Variants in FBXW2 observed in about 807,000 individuals in gnomAD.
The protein encoded by FBXW2 is F-box/WD repeat-containing protein 2.
FBXW2 carries 12 observed loss-of-function variants against 46.0 expected under a neutral mutation model. The observed-to-expected ratio is 0.26, with a 90% confidence interval of 0.17 to 0.42. FBXW2 has a LOEUF of 0.42. Among genes scored for constraint, FBXW2 ranks in the 10% least tolerant of loss-of-function variants. FBXW2 has a pLI of 1.00. For missense variants in FBXW2, 360 were observed against 537.0 expected (o/e 0.67, Z 3.26); for synonymous variants, 203 against 209.6 (o/e 0.97, Z 0.27).
chr9:120,791,866 C>T (rs1420011682), intron 2 of FBXW2, among the ~76,000 whole-genome samples: 1 of 152,126 alleles, frequency 6.6e-6, no homozygotes, highest in Non-Finnish European at 1.5e-5. Context: ...TTCAACTTGC[C>T]CTCTTGCCTT....
chr9:120,789,519 T>G (rs967620406), intron 2 of FBXW2, among the ~76,000 whole-genome samples: 1 of 152,242 alleles, frequency 6.6e-6, no homozygotes, highest in African/African-American at 2.4e-5. Context: ...CTGGGTGATG[T>G]GTACATAGGG....
At chr9:120,775,914 T>C (rs2044483341) in intron 5 of FBXW2, among the ~76,000 whole-genome samples, 179 bp downstream of exon 5, 1 of 152,222 alleles carries the variant, frequency 6.6e-6, no homozygotes, top group Non-Finnish European at 1.5e-5. Context: ...GTCATTTATT[T>C]GTTAAACCAT....
At chr9:120,787,578 T>A (rs1221271906) in intron 3 of FBXW2, among the ~76,000 whole-genome samples, 191 bp downstream of exon 3, 1 of 152,048 alleles carries the variant, frequency 6.6e-6, no homozygotes, top group Non-Finnish European at 1.5e-5. Flanking sequence ...TAAAATTTTA[T>A]AAAAATGATT....
intron 7 of FBXW2, among the ~76,000 whole-genome samples, chr9:120,765,095 G>GTTT (rs751039443): frequency 2.1e-5 from 3 of 139,790 alleles, no homozygotes; most frequent in Admixed American, 7.2e-5. Context: ...TTTGATCAAA[G>GTTT]TTTTTTTTTT....
chr9:120,776,061 A>G (rs1362803251), intron 5 of FBXW2, 32 bp downstream of exon 5: 10 of 1,611,534 alleles, frequency 6.2e-6, no homozygotes, highest in Admixed American at 1.7e-5. Flanking sequence ...AAAAAGCCTG[A>G]TAAGCAGGAG....
intron 2 of FBXW2, among the ~76,000 whole-genome samples, chr9:120,791,580 T>C (rs2044842558): frequency 6.6e-6 from 1 of 152,208 alleles, no homozygotes; most frequent in South Asian, 2.1e-4. Context: ...TTGTTAGTTT[T>C]ACTACTATGA....
At chr9:120,779,904 C>T (rs1252864374) in intron 3 of FBXW2, among the ~76,000 whole-genome samples, 1 of 152,084 alleles carries the variant, frequency 6.6e-6, no homozygotes, top group Non-Finnish European at 1.5e-5. Flanking sequence ...GTAATCTCAG[C>T]ACTTTAGGAG....
chr9:120,786,400 CCCTTCG>C (rs1180591263), intron 3 of FBXW2, among the ~76,000 whole-genome samples: 1 of 152,158 alleles, frequency 6.6e-6, no homozygotes. Context: ...TGCTTGCTTC[CCCTTCG>C]CCTTCCGCCA....
rs1239380639 is a variant in FBXW2 at position 120,788,271 on chromosome 9, A to G, written c.-13T>C. 5 of 1,610,608 alleles carry G rather than the reference A, an allele frequency of 3.1e-6. No homozygotes were observed. The highest frequency in any genetic ancestry group is 3.4e-6 in the Non-Finnish European group (4 of 1,179,558). ...CCTTTCTCTCCATAAGGTTATGGAA[A>G]AATTTACCTGTGGCACATCAAAATA... is the stretch of plus-strand genomic sequence containing the variant. On this transcript the variant is annotated 5_prime_UTR_variant, in exon 3 of 8. Transcript: ENST00000608872.
At chr9:120,774,247 G>A (rs1019777296) in intron 5 of FBXW2, among the ~76,000 whole-genome samples, 1 of 146,356 alleles carries the variant, frequency 6.8e-6, no homozygotes, top group Non-Finnish European at 1.5e-5. Context: ...TGAAGCAGGA[G>A]AATCACTTGA....
At chr9:120,764,974 G>T (rs932278842) in intron 7 of FBXW2, 127 bp from the exon 8 acceptor site, 3 of 782,866 alleles carry the variant, frequency 3.8e-6, no homozygotes, top group Non-Finnish European at 1.9e-6. Context: ...AAATGTTTTT[G>T]ATAAAAAGTA....
intron 2 of FBXW2, 117 bp downstream of exon 2, chr9:120,793,032 A>C: frequency 7.7e-7 from 1 of 1,302,220 alleles, no homozygotes; most frequent in Non-Finnish European, 1.1e-6. Flanking sequence ...AAATGGAGGC[A>C]GTAGGAGGCA....
chr9:120,770,147 C>T (rs1210504175), intron 7 of FBXW2, among the ~76,000 whole-genome samples: 4 of 152,124 alleles, frequency 2.6e-5, no homozygotes, highest in Non-Finnish European at 4.4e-5. Context: ...GAGGCCGAGG[C>T]GGGTGGATCA....
chr9:120,791,753 C>T (rs983829407), intron 2 of FBXW2, among the ~76,000 whole-genome samples: 3 of 152,146 alleles, frequency 2.0e-5, no homozygotes, highest in African/African-American at 7.2e-5. Context: ...TAAAGAAGAG[C>T]ACCTGTTTAT....
At position 120,764,144 on chromosome 9, in the gene FBXW2, T is replaced by C. The variant is rs867735493; in HGVS notation, c.*415A>G. On this transcript the variant is annotated 3_prime_UTR_variant, in exon 8 of 8. Coordinates refer to ENST00000608872, the MANE Select transcript of FBXW2 (RefSeq NM_012164.4). The stretch of plus-strand genomic sequence containing the variant: ...TTGCTGTAACAACATCATAGCACCT[T>C]TGCTTCAACTTCAAAAGAAAAAAAG... 1 of 362,398 alleles carries C rather than the reference T, an allele frequency of 2.8e-6. No individual in the cohort carries two copies. The highest frequency in any genetic ancestry group is 7.2e-4 in the Middle Eastern group (1 of 1,394). The allele number at this position is 362,398 out of a possible 1,614,324, so 22.4% of individuals were successfully genotyped here.
At chr9:120,791,732 G>T (rs1044402531) in intron 2 of FBXW2, among the ~76,000 whole-genome samples, 1 of 152,076 alleles carries the variant, frequency 6.6e-6, no homozygotes, top group Non-Finnish European at 1.5e-5. Context: ...CTTACTAGGG[G>T]TTTAATTTTA....
chr9:120,787,987 A>T lies in FBXW2; in HGVS notation c.272T>A (p.Ile91Lys). 6.2e-7 allele frequency: 1 copy of T among 1,614,242 alleles called. No homozygotes were observed. The highest frequency in any genetic ancestry group is 8.5e-7 in the Non-Finnish European group (1 of 1,180,042). Residue 91 changes from isoleucine (I) to lysine (K), a missense_variant, in exon 3 of 8, where the codon ATA becomes AAA. Ile to Lys is a moderately radical substitution (Grantham distance 102). Transcript: ENST00000608872. ...CTGCCACACCTCTGTACAGGCACTT[A>T]TCACCTTATTCCACTGTTTAGAGAC... ...CLVSKQWNKVISACTEVWQTA... is the reference protein window; with the variant it reads ...CLVSKQWNKVKSACTEVWQTA...
chr9:120,784,271 T>TA (rs1456485701), intron 3 of FBXW2, among the ~76,000 whole-genome samples: 2 of 152,184 alleles, frequency 1.3e-5, no homozygotes, highest in Non-Finnish European at 2.9e-5. Context: ...CTGCAGTTTT[T>TA]ACTACATTTC....
chr9:120,790,971 G>C (rs547266913), intron 2 of FBXW2, among the ~76,000 whole-genome samples: 1 of 152,218 alleles, frequency 6.6e-6, no homozygotes, highest in East Asian at 1.9e-4. Context: ...CCAACTCTTA[G>C]ATTGCCTTTT....
Sources: gnomAD v4.1 joint callset for allele counts (sites outside exome capture counted in the v4.1 genomes callset) on GRCh38, gnomAD v4.1.1 for gene constraint, MANE v1.5 for transcripts, NCBI Gene and HGNC (gene_info 2026-07-23, HGNC 2026-07-21) for gene names.